KCNIP4: variants seen among roughly 807,000 people sequenced by gnomAD.
The protein encoded by KCNIP4 is potassium voltage-gated channel interacting protein 4, also known as Kv channel-interacting protein 4.
A neutral mutation model predicts 34.0 loss-of-function variants in KCNIP4; 12 were observed. That is an observed-to-expected ratio of 0.35 (90% CI 0.23 to 0.57). The LOEUF is 0.57. Among genes scored for constraint, KCNIP4 ranks in the 20% least tolerant of loss-of-function variants. The probability of loss-of-function intolerance (pLI) is 0.83; values close to 1 mark genes in which losing one functional copy is unlikely to be tolerated. For synonymous variants in KCNIP4, 124 were observed against 102.2 expected (o/e 1.21, Z -1.29); for missense variants, 238 against 311.7 (o/e 0.76, Z 1.78).
intron 1 of KCNIP4, among the ~76,000 whole-genome samples, chr4:21,742,255 A>G (rs1226389653): frequency 6.6e-6 from 1 of 152,136 alleles, no homozygotes; most frequent in Non-Finnish European, 1.5e-5. Flanking sequence ...AGGGTCCCCA[A>G]AACTAATAGG....
chr4:21,039,457 C>T (rs1462944943), intron 1 of KCNIP4, among the ~76,000 whole-genome samples: 1 of 151,774 alleles, frequency 6.6e-6, no homozygotes, highest in Admixed American at 6.6e-5. Flanking sequence ...TTTAAGGGCT[C>T]TAGAGTTCTC....
intron 1 of KCNIP4, among the ~76,000 whole-genome samples, chr4:21,836,219 T>C (rs780395405): frequency 1.8e-4 from 27 of 152,140 alleles, no homozygotes; most frequent in Non-Finnish European, 3.1e-4. Context: ...CATAACAAAA[T>C]TTTTTTAAAT....
chr4:20,967,754 C>T (rs1734517697), intron 1 of KCNIP4, among the ~76,000 whole-genome samples: 1 of 152,156 alleles, frequency 6.6e-6, no homozygotes. Flanking sequence ...TGGATCCCTT[C>T]CTTACACCTT....
At chr4:21,260,941 A>T (rs552972951) in intron 1 of KCNIP4, among the ~76,000 whole-genome samples, 1 of 152,316 alleles carries the variant, frequency 6.6e-6, no homozygotes, top group South Asian at 2.1e-4. Flanking sequence ...GCTTTGAAAA[A>T]GGGAATCATT....
Position 20,999,436 on chromosome 4 carries a change from TTG to T in KCNIP4, c.62-116729_62-116728del, listed in dbSNP as rs1560634247. Among the ~76,000 whole-genome samples the T allele has an allele frequency of 5.6e-3, 212 of 37,916 alleles. 14 individuals carry two copies. The highest frequency in any genetic ancestry group is 0.027 in the African/African-American group (203 of 7,388). The allele number at this position is 37,916 out of a possible 152,430, so 24.9% of individuals were successfully genotyped here. A position where few individuals can be genotyped will look rare whatever the true frequency, so the allele number is the denominator to read the frequency against. Reference sequence around the variant, plus strand: ...GGTGTTTTTTTTTTTTGTTTGTTTTTTGTTTTTTTTTTTTTTTTTTATCTTGA... The same window carrying T: ...GGTGTTTTTTTTTTTTGTTTGTTTTTTTTTTTTTTTTTTTTTTTATCTTGA... On this transcript the variant is annotated intron_variant, in intron 1 of 8. Coordinates refer to ENST00000382152, the MANE Select transcript of KCNIP4 (RefSeq NM_025221.6).
At chr4:21,555,688 C>A (rs1401749646) in intron 1 of KCNIP4, among the ~76,000 whole-genome samples, 1 of 152,070 alleles carries the variant, frequency 6.6e-6, no homozygotes, top group Non-Finnish European at 1.5e-5. Flanking sequence ...AGATAAAAAC[C>A]AGTTCAGGTA....
intron 3 of KCNIP4, among the ~76,000 whole-genome samples, chr4:20,772,136 C>T (rs752006506): frequency 1.3e-5 from 2 of 152,152 alleles, no homozygotes; most frequent in Non-Finnish European, 2.9e-5. Flanking sequence ...TTCCCAAGGT[C>T]AGTGGGACTG....
At chr4:20,974,749 T>C (rs183329916) in intron 1 of KCNIP4, among the ~76,000 whole-genome samples, 199 of 152,350 alleles carry the variant, frequency 1.3e-3, no homozygotes, top group African/African-American at 4.7e-3. Context: ...TTTTGGTATG[T>C]TCATTTATAT....
intron 2 of KCNIP4, among the ~76,000 whole-genome samples, chr4:20,876,562 GGAA>G (rs1401316620): frequency 6.6e-6 from 1 of 151,770 alleles, no homozygotes; most frequent in Non-Finnish European, 1.5e-5. Context: ...CACGGAATTG[GGAA>G]GAAATCTTTT....
chr4:21,749,637 T>A (rs1717015082), intron 1 of KCNIP4, among the ~76,000 whole-genome samples: 1 of 152,108 alleles, frequency 6.6e-6, no homozygotes, highest in Non-Finnish European at 1.5e-5. Flanking sequence ...ATGAGACCCG[T>A]CATTCTTGGA....
intron 1 of KCNIP4, among the ~76,000 whole-genome samples, chr4:21,822,736 G>C (rs200298232): frequency 2.3e-5 from 1 of 43,658 alleles, no homozygotes; most frequent in Non-Finnish European, 5.0e-5. Context: ...TTTTTTTTTT[G>C]AGATGGAGTT....
At chr4:20,739,022 C>A (rs1301729541) in intron 5 of KCNIP4, among the ~76,000 whole-genome samples, 2 of 152,172 alleles carry the variant, frequency 1.3e-5, no homozygotes, top group African/African-American at 4.8e-5. Flanking sequence ...AACTGCAAGG[C>A]AACAGTGAGG....
intron 2 of KCNIP4, among the ~76,000 whole-genome samples, chr4:20,866,957 T>C (rs1161293826): frequency 6.6e-6 from 1 of 151,308 alleles, no homozygotes; most frequent in Non-Finnish European, 1.5e-5. Flanking sequence ...ACCCAGGAGG[T>C]GAAAGATCTC....
chr4:21,794,977 A>T (rs1720530724), intron 1 of KCNIP4, among the ~76,000 whole-genome samples: 1 of 152,302 alleles, frequency 6.6e-6, no homozygotes, highest in South Asian at 2.1e-4. Context: ...CAAACCCATG[A>T]TTACCCTCAA....
chr4:21,909,719 G>T (rs1424810079), intron 1 of KCNIP4, among the ~76,000 whole-genome samples: 1 of 152,076 alleles, frequency 6.6e-6, no homozygotes, highest in Non-Finnish European at 1.5e-5. Context: ...TAAAGAAAAA[G>T]AGGTTTAATG....
intron 1 of KCNIP4, among the ~76,000 whole-genome samples, chr4:21,385,261 C>A (rs1322252055): frequency 2.6e-5 from 4 of 152,130 alleles, no homozygotes; most frequent in African/African-American, 9.7e-5. Context: ...ATTTACCAGA[C>A]TATGAGAGCA....
intron 1 of KCNIP4, among the ~76,000 whole-genome samples, chr4:21,726,652 TG>T (rs1193017793): frequency 1.3e-5 from 2 of 152,178 alleles, no homozygotes; most frequent in African/African-American, 4.8e-5. Context: ...TATCTCCTCA[TG>T]TTTTCAGAAA....
chr4:21,412,332 A>G (rs1349338441), intron 1 of KCNIP4, among the ~76,000 whole-genome samples: 1 of 152,094 alleles, frequency 6.6e-6, no homozygotes, highest in Non-Finnish European at 1.5e-5. Context: ...TGGATTCCAC[A>G]TGGATTCCCT....
chr4:20,879,399 G>C (rs1724433834), intron 2 of KCNIP4, among the ~76,000 whole-genome samples: 1 of 152,118 alleles, frequency 6.6e-6, no homozygotes, highest in Non-Finnish European at 1.5e-5. Context: ...CATGTGTGTT[G>C]CTTCCTGGTA....
Sources: gnomAD v4.1 joint callset for allele counts (sites outside exome capture counted in the v4.1 genomes callset) on GRCh38, gnomAD v4.1.1 for gene constraint, MANE v1.5 for transcripts, NCBI Gene and HGNC (gene_info 2026-07-23, HGNC 2026-07-21) for gene names.